Variants in IGF1R observed in about 807,000 individuals in gnomAD.
IGF1R encodes insulin-like growth factor 1 receptor.
In IGF1R, 44 loss-of-function variants were observed where a neutral mutation model predicts 144.6. The observed-to-expected ratio is 0.30, with a 90% CI of 0.24 to 0.39. IGF1R has a LOEUF of 0.39. IGF1R is among the 10% of genes least tolerant of loss of function. The pLI is 1.00. For missense variants in IGF1R, 1,355 were observed against 1,833.7 expected, an observed-to-expected ratio of 0.74 and a Z score of 4.77; for synonymous variants, 795 against 722.8, an observed-to-expected ratio of 1.10 and a Z score of -1.60.
rs755731481 is a variant in IGF1R, at chr15:98,649,607, C to G, written c.26C>G (p.Ser9Cys). ...ATGAAGTCTGGCTCCGGAGGAGGGT[C>G]CCCGACCTCGCTGTGGGGGCTCCTG... The part of the protein sequence containing the change: MKSGSGGG[S>C]PTSLWGLLFL... Residue 9 changes from serine (S) to cysteine (C), a missense_variant, in exon 1 of 21, where the codon TCC becomes TGC. Transcript: ENST00000650285. The G allele has an allele frequency of 5.0e-6, 8 of 1,606,338 alleles. No individual in the cohort carries two copies. In the South Asian group the frequency reaches 8.8e-5, roughly 18 times the overall value.
intron 2 of IGF1R, among the ~76,000 whole-genome samples, chr15:98,882,754 G>A (rs2013444268): frequency 6.6e-6 from 1 of 152,176 alleles, no homozygotes. Flanking sequence ...CCTTGTCTAG[G>A]CTTCCTGTTA....
intron 10 of IGF1R, among the ~76,000 whole-genome samples, chr15:98,919,504 A>T (rs1007740937): frequency 6.6e-6 from 1 of 152,128 alleles, no homozygotes; most frequent in Non-Finnish European, 1.5e-5. Flanking sequence ...TTCTCATCAG[A>T]TGTGGAGCAC....
Position 98,951,573 on chromosome 15 carries a change from G to A in IGF1R, c.3722+2865G>A, listed in dbSNP as rs79889715. ...AGGAGCGGCATAGCTGGCTGGCTCT[G>A]GCTTGGAGCCCTTCTCGCGGTTGCA... On this transcript the variant is annotated intron_variant, in intron 20 of 20. Coordinates refer to ENST00000650285, the MANE Select transcript of IGF1R (RefSeq NM_000875.5). Among the ~76,000 whole-genome samples the A allele has an allele frequency of 7.4e-4, 113 of 152,390 alleles. 1 individual carries two copies. The highest frequency in any genetic ancestry group is 1.4e-3 in the Non-Finnish European group (98 of 68,042).
Position 98,924,694 on chromosome 15 carries a change from G to T in IGF1R, c.2782+10G>T. The T allele has an allele frequency of 6.2e-7, 1 of 1,610,458 alleles. No individual in the cohort carries two copies. Among genetic ancestry groups the T allele is most frequent in the South Asian group, 1.1e-5 (1 of 90,758 alleles). On this transcript the variant is annotated intron_variant, in intron 13 of 20. Coordinates refer to ENST00000650285, the MANE Select transcript of IGF1R (RefSeq NM_000875.5). ...TATGTCCAGGCCAAAAGTAAGGCTT[G>T]TGGAGGGAGAAGAAACGTGGTAAAA...
intron 1 of IGF1R, among the ~76,000 whole-genome samples, chr15:98,701,103 G>C (rs2053720303): frequency 6.6e-6 from 1 of 151,908 alleles, no homozygotes; most frequent in African/African-American, 2.4e-5. Flanking sequence ...CATTTTAAGA[G>C]GAGTAAAGAA....
At chr15:98,649,785 C>A in intron 1 of IGF1R, 110 bp downstream of exon 1, 3 of 814,450 alleles carry the variant, frequency 3.7e-6, no homozygotes, top group Non-Finnish European at 4.0e-6. Context: ...GGCCCCCGGG[C>A]TCGGGAGCGG....
At chr15:98,840,372 C>G (rs748878887) in intron 2 of IGF1R, among the ~76,000 whole-genome samples, 1 of 152,172 alleles carries the variant, frequency 6.6e-6, no homozygotes, top group African/African-American at 2.4e-5. Flanking sequence ...ATCATCTAAA[C>G]CAATGGGGAA....
chr15:98,743,212 A>C (rs527513930), intron 2 of IGF1R, among the ~76,000 whole-genome samples: 3 of 152,230 alleles, frequency 2.0e-5, no homozygotes, highest in Non-Finnish European at 4.4e-5. Context: ...TACTTTTAAA[A>C]AACAATTTGT....
chr15:98,913,482 C>G (rs536083763), intron 8 of IGF1R, among the ~76,000 whole-genome samples, 200 bp downstream of exon 8: 4 of 152,344 alleles, frequency 2.6e-5, no homozygotes, highest in Admixed American at 2.0e-4. Context: ...TCGGTACTAT[C>G]TTCCATCATC....
At chr15:98,814,844 G>A (rs957274684) in intron 2 of IGF1R, among the ~76,000 whole-genome samples, 2 of 152,158 alleles carry the variant, frequency 1.3e-5, no homozygotes, top group Non-Finnish European at 2.9e-5. Context: ...TGGCCATTCC[G>A]AATTACTGGA....
At chr15:98,892,178 C>T (rs907592244) in intron 3 of IGF1R, among the ~76,000 whole-genome samples, 3 of 152,114 alleles carry the variant, frequency 2.0e-5, no homozygotes, top group African/African-American at 7.2e-5. Flanking sequence ...CTCTCATCCC[C>T]CTCTACCTTG....
chr15:98,693,261 G>A (rs375129017), intron 1 of IGF1R, among the ~76,000 whole-genome samples: 7 of 152,194 alleles, frequency 4.6e-5, no homozygotes, highest in Non-Finnish European at 1.0e-4. Context: ...TGTTGGCTAC[G>A]GGCAGGGGAG....
chr15:98,928,438 G>A (rs1174148939), intron 13 of IGF1R, among the ~76,000 whole-genome samples: 1 of 152,180 alleles, frequency 6.6e-6, no homozygotes, highest in African/African-American at 2.4e-5. Context: ...TCCCTGGAAC[G>A]CGAATCTGAT....
At chr15:98,883,512 T>G (rs1398491973) in intron 2 of IGF1R, among the ~76,000 whole-genome samples, 2 of 152,200 alleles carry the variant, frequency 1.3e-5, no homozygotes, top group South Asian at 2.1e-4. Flanking sequence ...ATACGGTGGC[T>G]CTCTCAGCCT....
At chr15:98,657,020 A>C (rs976313897) in intron 1 of IGF1R, among the ~76,000 whole-genome samples, 2 of 152,244 alleles carry the variant, frequency 1.3e-5, no homozygotes, top group Non-Finnish European at 2.9e-5. Flanking sequence ...TATTTTATAG[A>C]GCATAACTTG....
At chr15:98,915,617 A>ATTC (rs1443279897) in intron 8 of IGF1R, among the ~76,000 whole-genome samples, 1 of 152,228 alleles carries the variant, frequency 6.6e-6, no homozygotes, top group Admixed American at 6.5e-5. Flanking sequence ...ACTGTGGAGA[A>ATTC]TGGCAGTTGT....
chr15:98,903,939 C>T (rs2014601788), intron 5 of IGF1R, among the ~76,000 whole-genome samples: 2 of 152,166 alleles, frequency 1.3e-5, no homozygotes. Context: ...GGAGATTGAC[C>T]ACCAATGGGA....
chr15:98,650,985 G>A (rs1264900128), intron 1 of IGF1R: 4 of 985,144 alleles, frequency 4.1e-6, no homozygotes, highest in African/African-American at 3.5e-5. Flanking sequence ...AGTTGAAAGT[G>A]TGGCTTACTG....
chr15:98,674,585 G>A (rs2052983474), intron 1 of IGF1R, among the ~76,000 whole-genome samples: 1 of 152,254 alleles, frequency 6.6e-6, no homozygotes, highest in South Asian at 2.1e-4. Flanking sequence ...CAGCTATGAC[G>A]AACAGCGAAC....
Sources: gnomAD v4.1 joint callset for allele counts (sites outside exome capture counted in the v4.1 genomes callset) on GRCh38, gnomAD v4.1.1 for gene constraint, MANE v1.5 for transcripts, NCBI Gene and HGNC (gene_info 2026-07-23, HGNC 2026-07-21) for gene names.